Variants in RALB observed in about 807,000 individuals in gnomAD.
RALB encodes RAS like proto-oncogene B, also known as ras-related protein Ral-B.
A neutral mutation model predicts 21.3 loss-of-function variants in RALB; 16 were observed. The ratio of observed to expected loss-of-function variants is 0.75; its 90% CI spans 0.51 to 1.14. RALB has a LOEUF of 1.14. Among genes scored for constraint, RALB ranks in the 50% most tolerant of loss-of-function variants. The pLI, the probability that RALB is intolerant of heterozygous loss-of-function variation, is 0.00. For missense variants in RALB, 161 were observed against 256.2 expected, an observed-to-expected ratio of 0.63 and a Z score of 2.54; for synonymous variants, 93 against 96.1, an observed-to-expected ratio of 0.97 and a Z score of 0.19.
At chr2:120,240,274 CT>C (rs1371241309) in intron 1 of RALB, 23 of 525,398 alleles carry the variant, frequency 4.4e-5, no homozygotes, top group Non-Finnish European at 5.2e-5. Flanking sequence ...GGAGCTGCTA[CT>C]TTTTTATTTT....
chr2:120,291,173 T>C (rs1690295099), intron 4 of RALB, among the ~76,000 whole-genome samples: 1 of 152,248 alleles, frequency 6.6e-6, no homozygotes, highest in Admixed American at 6.5e-5. Context: ...CATCTATTTG[T>C]ATGTATCGTA....
At chr2:120,277,458 G>A (rs547510640) in intron 1 of RALB, among the ~76,000 whole-genome samples, 2 of 84,180 alleles carry the variant, frequency 2.4e-5, no homozygotes, top group East Asian at 4.7e-4. Flanking sequence ...GCATGTGTTA[G>A]AGCATGTATG....
chr2:120,287,904 A>G (rs1690205766), intron 3 of RALB, among the ~76,000 whole-genome samples: 1 of 152,254 alleles, frequency 6.6e-6, no homozygotes, highest in Non-Finnish European at 1.5e-5. Context: ...GCTAAACTCA[A>G]GTCACTTTAC....
chr2:120,272,149 G>A (rs576256424), intron 1 of RALB, among the ~76,000 whole-genome samples: 4 of 152,268 alleles, frequency 2.6e-5, no homozygotes, highest in East Asian at 3.9e-4. Flanking sequence ...ATAAGAAGAG[G>A]AAGAGATACC....
At chr2:120,282,041 A>C (rs1247261362) in intron 2 of RALB, among the ~76,000 whole-genome samples, 1 of 152,204 alleles carries the variant, frequency 6.6e-6, no homozygotes, top group East Asian at 1.9e-4. Context: ...CGAACAAAGT[A>C]TTAGCCAGCA....
At chr2:120,268,259 C>T (rs1689555111) in intron 1 of RALB, among the ~76,000 whole-genome samples, 1 of 152,222 alleles carries the variant, frequency 6.6e-6, no homozygotes, top group Non-Finnish European at 1.5e-5. Flanking sequence ...TGGCAGCTTT[C>T]AGGGCCCTGT....
At chr2:120,290,045 C>G (rs1010894467) in intron 4 of RALB, among the ~76,000 whole-genome samples, 5 of 152,166 alleles carry the variant, frequency 3.3e-5, no homozygotes, top group Non-Finnish European at 5.9e-5. Context: ...CACTGTGACA[C>G]CAGGCTGGAG....
intron 3 of RALB, among the ~76,000 whole-genome samples, chr2:120,286,735 A>G (rs1042897936): frequency 1.3e-5 from 2 of 152,266 alleles, no homozygotes; most frequent in Non-Finnish European, 2.9e-5. Flanking sequence ...CATGTGGGCA[A>G]GAACCTGGCT....
At chr2:120,261,847 G>A (rs1689374771) in intron 1 of RALB, among the ~76,000 whole-genome samples, 1 of 152,196 alleles carries the variant, frequency 6.6e-6, no homozygotes, top group South Asian at 2.1e-4. Context: ...AATTGTGTGT[G>A]GGGGTGGTAT....
chr2:120,246,646 G>A (rs1389783140), intron 1 of RALB, among the ~76,000 whole-genome samples: 2 of 152,258 alleles, frequency 1.3e-5, no homozygotes, highest in African/African-American at 2.4e-5. Flanking sequence ...GCACCCCTGG[G>A]CCAAGGACCT....
chr2:120,266,135 G>A (rs1167858128), intron 1 of RALB, among the ~76,000 whole-genome samples: 3 of 152,186 alleles, frequency 2.0e-5, no homozygotes, highest in African/African-American at 7.2e-5. Context: ...GAGCTTACTC[G>A]TCTGCACAGT....
intron 1 of RALB, among the ~76,000 whole-genome samples, chr2:120,255,342 C>A (rs577700635): frequency 3.5e-4 from 53 of 152,172 alleles, no homozygotes; most frequent in African/African-American, 1.3e-3. Context: ...GGAAAAGGAA[C>A]TCTTCCTTCA....
chr2:120,265,785 T>C (rs1293464356), intron 1 of RALB, among the ~76,000 whole-genome samples: 1 of 152,136 alleles, frequency 6.6e-6, no homozygotes, highest in Non-Finnish European at 1.5e-5. Context: ...GAAGTAGAAG[T>C]AGAAGTAGTA....
At chr2:120,252,063 CTG>C (rs1689067558), upstream of RALB, among the ~76,000 whole-genome samples, 1 of 152,160 alleles carries the variant, frequency 6.6e-6, no homozygotes, top group Non-Finnish European at 1.5e-5. Context: ...GACGTTTAAA[CTG>C]TCAGTTGCGA....
At chr2:120,286,973 C>T (rs904420021) in intron 3 of RALB, among the ~76,000 whole-genome samples, 3 of 76,292 alleles carry the variant, frequency 3.9e-5, no homozygotes, top group African/African-American at 1.9e-4. Context: ...TTACCCCATG[C>T]CCTTCCCTTT....
At chr2:120,258,929 A>T (rs1022517994) in intron 1 of RALB, among the ~76,000 whole-genome samples, 2 of 151,064 alleles carry the variant, frequency 1.3e-5, no homozygotes, top group Admixed American at 6.6e-5. Flanking sequence ...TGATGTTCAG[A>T]TGTGTTCGGA....
intron 3 of RALB, among the ~76,000 whole-genome samples, chr2:120,289,365 G>A (rs1176921097): frequency 1.3e-5 from 2 of 152,000 alleles, no homozygotes; most frequent in South Asian, 2.1e-4. Context: ...GCATCCCAGG[G>A]GATTCTGATG....
intron 1 of RALB, among the ~76,000 whole-genome samples, chr2:120,275,294 A>T (rs1689762932): frequency 6.6e-6 from 1 of 152,068 alleles, no homozygotes; most frequent in Admixed American, 6.5e-5. Flanking sequence ...GCACACATGC[A>T]CATGTACGTT....
chr2:120,262,913 C>T (rs1239520627), intron 1 of RALB, among the ~76,000 whole-genome samples: 1 of 152,140 alleles, frequency 6.6e-6, no homozygotes, highest in Non-Finnish European at 1.5e-5. Context: ...CCACGTGTCC[C>T]TCTCCACTGC....
Sources: allele counts gnomAD v4.1 joint callset (sites outside exome capture counted in the v4.1 genomes callset), GRCh38; gene constraint gnomAD v4.1.1; transcripts MANE v1.5; gene names NCBI Gene and HGNC (gene_info 2026-07-23, HGNC 2026-07-21).